Variants in NRXN3 observed in about 807,000 individuals in gnomAD.
The protein encoded by NRXN3 is neurexin III.
A neutral mutation model predicts 137.6 loss-of-function variants in NRXN3; 32 were observed. The observed-to-expected ratio is 0.23, with a 90% CI of 0.18 to 0.31. NRXN3 has a LOEUF of 0.31. Among genes scored for constraint, NRXN3 ranks in the 10% least tolerant of loss-of-function variants. The pLI, the probability that NRXN3 is intolerant of heterozygous loss-of-function variation, is 1.00. For missense variants in NRXN3, 1,574 were observed against 2,062.5 expected, an observed-to-expected ratio of 0.76 and a Z score of 4.59; for synonymous variants, 798 against 784.5, an observed-to-expected ratio of 1.02 and a Z score of -0.29.
chr14:79,599,278 C>T (rs78674108), intron 16 of NRXN3, among the ~76,000 whole-genome samples: 17,683 of 152,168 alleles, frequency 0.12, 1,168 homozygotes, highest in South Asian at 0.23. Flanking sequence ...ATTCTAATTG[C>T]TCTTGTATTC....
chr14:79,007,557 G>C (rs1193574096), intron 15 of NRXN3, among the ~76,000 whole-genome samples: 1 of 151,560 alleles, frequency 6.6e-6, no homozygotes, highest in African/African-American at 2.4e-5. Flanking sequence ...TGCAATTCCA[G>C]CACTTTGGGA....
intron 19 of NRXN3, among the ~76,000 whole-genome samples, chr14:79,763,411 T>TCTATATTTATACATTCTATAATTA: frequency 1.3e-5 from 2 of 150,952 alleles, no homozygotes; most frequent in South Asian, 2.1e-4. Flanking sequence ...TTATAATCCT[T>TCTATATTTATACATTCTATAATTA]TGGGTATACA....
At chr14:78,372,814 T>C (rs1176296743) in intron 4 of NRXN3, among the ~76,000 whole-genome samples, 3 of 152,216 alleles carry the variant, frequency 2.0e-5, no homozygotes, top group African/African-American at 7.2e-5. Flanking sequence ...TTTCTAACTT[T>C]TCTTTCATTA....
chr14:78,827,008 T>A (rs1596278913), intron 10 of NRXN3, among the ~76,000 whole-genome samples: 1 of 152,202 alleles, frequency 6.6e-6, no homozygotes, highest in Admixed American at 6.5e-5. Context: ...TTGGTTATTA[T>A]CCATTGAAGA....
At chr14:79,498,976 G>A (rs2096793474) in intron 16 of NRXN3, among the ~76,000 whole-genome samples, 2 of 152,182 alleles carry the variant, frequency 1.3e-5, no homozygotes, top group East Asian at 3.9e-4. Context: ...TAGAAATGGA[G>A]GTCTCACTAT....
intron 4 of NRXN3, among the ~76,000 whole-genome samples, chr14:78,317,228 C>A (rs1462096205): frequency 2.0e-5 from 3 of 152,108 alleles, no homozygotes; most frequent in African/African-American, 7.2e-5. Flanking sequence ...ATAGTCAGGT[C>A]CTCAGTGGAT....
chr14:79,803,235 G>A (rs1004300516), intron 19 of NRXN3, among the ~76,000 whole-genome samples: 4 of 151,914 alleles, frequency 2.6e-5, no homozygotes, highest in Non-Finnish European at 5.9e-5. Context: ...CCATACCTAG[G>A]ATGTCTATTT....
intron 2 of NRXN3, among the ~76,000 whole-genome samples, chr14:78,261,476 T>C (rs1342384660): frequency 1.3e-5 from 2 of 152,202 alleles, no homozygotes; most frequent in Non-Finnish European, 2.9e-5. Flanking sequence ...TTTTAAAATC[T>C]ATGACCTCCA....
In NRXN3 at chr14:78,350,028, CTG is replaced by C. The variant is rs34034805; in HGVS notation, c.757+52170_757+52171del. On this transcript the variant is annotated intron_variant, in intron 4 of 20. Transcript: ENST00000335750. ...AGGGATGGGGCATGGTGGCTCACGCCTGTAATCCCAATACTTTGGGAAGCTGA... is the reference window on the plus strand; with the variant it reads ...AGGGATGGGGCATGGTGGCTCACGCCTAATCCCAATACTTTGGGAAGCTGA... 8.2e-3 allele frequency among the ~76,000 whole-genome samples: 1,253 copies of C among 152,288 alleles called. 39 individuals carry two copies. In the East Asian group the frequency reaches 0.084, roughly 10 times the overall value.
At chr14:78,874,196 T>C (rs146659050) in intron 10 of NRXN3, among the ~76,000 whole-genome samples, 1 of 152,254 alleles carries the variant, frequency 6.6e-6, no homozygotes, top group African/African-American at 2.4e-5. Context: ...GGTCTTGAAC[T>C]CTTGACCTCA....
At chr14:79,687,765 C>A (rs1024919205) in intron 17 of NRXN3, among the ~76,000 whole-genome samples, 2 of 152,132 alleles carry the variant, frequency 1.3e-5, no homozygotes, top group East Asian at 1.9e-4. Context: ...TTGGCAGAAC[C>A]TTTAAGCCAC....
At chr14:79,077,649 T>G (rs568103342) in intron 15 of NRXN3, among the ~76,000 whole-genome samples, 2 of 152,306 alleles carry the variant, frequency 1.3e-5, no homozygotes, top group Admixed American at 1.3e-4. Context: ...ATAACTGGAA[T>G]GAAATGTCCT....
intron 4 of NRXN3, among the ~76,000 whole-genome samples, chr14:78,304,098 G>A (rs2153534582): frequency 6.6e-6 from 1 of 152,264 alleles, no homozygotes. Flanking sequence ...TTACTAACAT[G>A]TACCCCTTTT....
chr14:78,891,476 C>T (rs149404872), intron 10 of NRXN3, among the ~76,000 whole-genome samples: 9 of 151,904 alleles, frequency 5.9e-5, no homozygotes, highest in East Asian at 1.9e-4. Flanking sequence ...TCTACAGTGA[C>T]GTCAGGGAGC....
At chr14:79,757,701 C>T (rs759081047) in intron 19 of NRXN3, among the ~76,000 whole-genome samples, 23 of 152,048 alleles carry the variant, frequency 1.5e-4, no homozygotes, top group African/African-American at 2.4e-4. Flanking sequence ...CTAGGTCTGC[C>T]GCTAAGCTGT....
intron 4 of NRXN3, among the ~76,000 whole-genome samples, chr14:78,347,785 T>A (rs2082947854): frequency 6.6e-6 from 1 of 152,152 alleles, no homozygotes; most frequent in Non-Finnish European, 1.5e-5. Flanking sequence ...GCAGGCTGGC[T>A]GTGTACTTAG....
At chr14:79,433,592 A>G (rs1001204701) in intron 15 of NRXN3, among the ~76,000 whole-genome samples, 27 of 152,214 alleles carry the variant, frequency 1.8e-4, no homozygotes, top group Admixed American at 5.9e-4. Context: ...AAAGAAAAAA[A>G]CTCACCAGTT....
At chr14:78,953,910 C>T (rs1271878365) in intron 10 of NRXN3, among the ~76,000 whole-genome samples, 1 of 152,166 alleles carries the variant, frequency 6.6e-6, no homozygotes, top group African/African-American at 2.4e-5. Flanking sequence ...CTTAAGTTCT[C>T]ACTAGTTTCA....
rs535891299 is a variant in NRXN3, at chr14:78,273,578, T to G, written c.710-5067T>G. Among the ~76,000 whole-genome samples the G allele has an allele frequency of 2.0e-5, 3 of 152,332 alleles. No individual in the cohort carries two copies. In the South Asian group the frequency reaches 6.2e-4, roughly 32 times the overall value. Reference sequence around the variant, plus strand: ...AGGGTCTCATCTATACAGCTCCCTCTGCCTGTGGATGCTCCTGTTAGACCA... The same window carrying G: ...AGGGTCTCATCTATACAGCTCCCTCGGCCTGTGGATGCTCCTGTTAGACCA... On this transcript the variant is annotated intron_variant, in intron 2 of 20. Transcript: ENST00000335750.
Sources: gnomAD v4.1 joint callset for allele counts (sites outside exome capture counted in the v4.1 genomes callset) on GRCh38, gnomAD v4.1.1 for gene constraint, MANE v1.5 for transcripts, NCBI Gene and HGNC (gene_info 2026-07-23, HGNC 2026-07-21) for gene names.